Variants in LINGO2 observed in about 807,000 individuals in gnomAD.
The protein encoded by LINGO2 is leucine-rich repeat and immunoglobulin-like domain-containing nogo receptor-interacting protein 2.
LINGO2 carries 14 observed loss-of-function variants against 30.6 expected under a neutral mutation model. That is an observed-to-expected ratio of 0.46 (90% CI 0.30 to 0.72). The LOEUF is 0.72. Among genes scored for constraint, LINGO2 ranks in the 30% least tolerant of loss-of-function variants. The probability of loss-of-function intolerance (pLI) is 0.07; values close to 1 mark genes in which losing one functional copy is unlikely to be tolerated. For synonymous variants in LINGO2, 317 were observed against 288.5 expected (o/e 1.10, Z -1.00); for missense variants, 729 against 751.7 (o/e 0.97, Z 0.35).
the LINGO2 span, among the ~76,000 whole-genome samples, chr9:29,100,716 G>C: frequency 6.6e-6 from 1 of 152,070 alleles, no homozygotes; most frequent in African/African-American, 2.4e-5. Context: ...AACTGAAAGA[G>C]TATATTTTGA....
chr9:28,316,215 CAT>C (rs1299094566), intron 3 of LINGO2, among the ~76,000 whole-genome samples: 1 of 151,804 alleles, frequency 6.6e-6, no homozygotes, highest in Non-Finnish European at 1.5e-5. Context: ...TGTATATACA[CAT>C]ATTTTGAAAA....
At chr9:28,227,667 T>G (rs907159470) in intron 4 of LINGO2, among the ~76,000 whole-genome samples, 4 of 151,948 alleles carry the variant, frequency 2.6e-5, no homozygotes, top group Non-Finnish European at 5.9e-5. Context: ...CCTAAAAGAC[T>G]GTTTAGAATC....
At chr9:28,319,882 G>C (rs1283033952) in intron 3 of LINGO2, among the ~76,000 whole-genome samples, 5 of 152,056 alleles carry the variant, frequency 3.3e-5, no homozygotes, top group Non-Finnish European at 7.4e-5. Flanking sequence ...AAAACTGATT[G>C]AAAACAAACA....
At chr9:28,616,933 C>T (rs1826155577) in intron 1 of LINGO2, among the ~76,000 whole-genome samples, 1 of 152,200 alleles carries the variant, frequency 6.6e-6, no homozygotes, top group Non-Finnish European at 1.5e-5. Context: ...TAGGCCAGTA[C>T]TGGCATACAT....
chr9:28,597,868 G>A lies in LINGO2; in HGVS notation c.-365+72332C>T, dbSNP rs1291567062. 2.6e-5 allele frequency among the ~76,000 whole-genome samples: 4 copies of A among 152,260 alleles called. No individual in the cohort carries two copies. The East Asian group carries it at 7.7e-4, about 29-fold the overall frequency. The stretch of plus-strand genomic sequence containing the variant: ...CAACCTCCACCTCCTGGGTTCAAGT[G>A]ATTCTCTGGCCTCAGCCTCCTGAGT... On this transcript the variant is annotated intron_variant, in intron 1 of 5. Coordinates refer to ENST00000379992, the Ensembl canonical transcript of LINGO2.
At chr9:28,890,092 C>T in the LINGO2 span, among the ~76,000 whole-genome samples, 1 of 152,006 alleles carries the variant, frequency 6.6e-6, no homozygotes, top group Non-Finnish European at 1.5e-5. Context: ...ATTTTACTAC[C>T]ATATGCCCTT....
At chr9:28,266,852 C>T (rs1269641243) in intron 4 of LINGO2, among the ~76,000 whole-genome samples, 1 of 151,988 alleles carries the variant, frequency 6.6e-6, no homozygotes, top group Non-Finnish European at 1.5e-5. Context: ...AGTATTAATG[C>T]CCATGTCAAG....
At chr9:28,565,597 G>A (rs1011633292) in intron 1 of LINGO2, among the ~76,000 whole-genome samples, 4 of 151,562 alleles carry the variant, frequency 2.6e-5, no homozygotes, top group Admixed American at 2.6e-4. Context: ...TGTCGCCCAG[G>A]CTGGAGTGCA....
intron 4 of LINGO2, among the ~76,000 whole-genome samples, chr9:28,021,626 T>C (rs1028996497): frequency 1.1e-4 from 16 of 152,084 alleles, no homozygotes; most frequent in Non-Finnish European, 1.8e-4. Flanking sequence ...TTGGTCCATT[T>C]CTCCTTGGAA....
intron 1 of LINGO2, among the ~76,000 whole-genome samples, chr9:28,557,841 T>G (rs1312374003): frequency 6.6e-6 from 1 of 151,658 alleles, no homozygotes; most frequent in Non-Finnish European, 1.5e-5. Context: ...TTCATGTCCT[T>G]TGTAGGGACA....
intron 5 of LINGO2, among the ~76,000 whole-genome samples, chr9:27,961,394 A>T (rs569538340): frequency 2.2e-4 from 34 of 152,132 alleles, no homozygotes; most frequent in Non-Finnish European, 4.6e-4. Flanking sequence ...TCCTCCCCTC[A>T]TCCTTGGTGG....
intron 1 of LINGO2, among the ~76,000 whole-genome samples, chr9:28,562,747 G>C (rs73644068): frequency 0.032 from 4,816 of 152,064 alleles, 246 homozygotes; most frequent in African/African-American, 0.11. Context: ...GCTTTGGACA[G>C]GATAGACACA....
the LINGO2 span, among the ~76,000 whole-genome samples, chr9:28,772,968 T>C: frequency 1.3e-5 from 2 of 152,176 alleles, no homozygotes; most frequent in South Asian, 4.1e-4. Context: ...TTCCATAGTA[T>C]CACGTTGCCT....
intron 5 of LINGO2, among the ~76,000 whole-genome samples, chr9:27,997,896 C>G (rs190103343): frequency 5.5e-5 from 8 of 145,758 alleles, no homozygotes; most frequent in Admixed American, 4.8e-4. Flanking sequence ...AAAATGTAGG[C>G]CTAACTGGTG....
At chr9:28,911,937 T>C in the LINGO2 span, among the ~76,000 whole-genome samples, 4 of 152,262 alleles carry the variant, frequency 2.6e-5, no homozygotes, top group South Asian at 2.1e-4. Flanking sequence ...CAAACATCAG[T>C]GACATATTCT....
At chr9:29,041,763 C>T in the LINGO2 span, among the ~76,000 whole-genome samples, 1 of 151,900 alleles carries the variant, frequency 6.6e-6, no homozygotes, top group Non-Finnish European at 1.5e-5. Flanking sequence ...AGACTTAACA[C>T]TGAAATCAGG....
At chr9:28,646,986 G>T (rs898321961) in intron 1 of LINGO2, among the ~76,000 whole-genome samples, 3 of 152,044 alleles carry the variant, frequency 2.0e-5, no homozygotes, top group Admixed American at 1.3e-4. Context: ...TCCAGAATGT[G>T]GTGACTCAAC....
the LINGO2 span, among the ~76,000 whole-genome samples, chr9:28,741,085 G>A: frequency 0.016 from 2,443 of 152,046 alleles, 96 homozygotes; most frequent in African/African-American, 0.056. Context: ...ACTGGATCCA[G>A]GGGTGGGCCT....
At chr9:28,962,023 A>T in the LINGO2 span, among the ~76,000 whole-genome samples, 1 of 152,174 alleles carries the variant, frequency 6.6e-6, no homozygotes. Flanking sequence ...TTTAGGGAAA[A>T]AATACAGTTC....
Sources: allele counts gnomAD v4.1 joint callset (sites outside exome capture counted in the v4.1 genomes callset), GRCh38; gene constraint gnomAD v4.1.1; transcripts MANE v1.5; gene names NCBI Gene and HGNC (gene_info 2026-07-23, HGNC 2026-07-21).